ZNF274: variants seen among roughly 807,000 people sequenced by gnomAD.
ZNF274 encodes the protein zinc finger protein 274.
In ZNF274, 23 loss-of-function variants were observed where a neutral mutation model predicts 42.5. The observed-to-expected ratio is 0.54, with a 90% CI of 0.39 to 0.77. The LOEUF is 0.77. ZNF274 is among the 30% of genes least tolerant of loss of function. ZNF274 has a pLI of 0.00. For missense variants in ZNF274, 679 were observed against 806.5 expected (o/e 0.84, Z 1.91); for synonymous variants, 292 against 305.4 (o/e 0.96, Z 0.46).
At chr19:58,185,103 G>C (rs1311772087) in intron 2 of ZNF274, among the ~76,000 whole-genome samples, 1 of 147,844 alleles carries the variant, frequency 6.8e-6, no homozygotes, top group Non-Finnish European at 1.5e-5. Flanking sequence ...CTGGGCGACA[G>C]AGAGAGACTC....
intron 5 of ZNF274, chr19:58,209,706 T>G: frequency 2.9e-6 from 1 of 340,216 alleles, no homozygotes; most frequent in Non-Finnish European, 5.4e-6. Flanking sequence ...GGGACCAGAG[T>G]CTCAGCAGTG....
chr19:58,184,168 TG>T (rs2075667429), intron 2 of ZNF274, 170 bp downstream of exon 2: 1 of 711,480 alleles, frequency 1.4e-6, no homozygotes, highest in African/African-American at 1.8e-5. Flanking sequence ...AACCGCAGGT[TG>T]CTTGGTTTTC....
Position 58,198,458 on chromosome 19 carries a change from T to C in ZNF274, c.257-8262T>C, listed in dbSNP as rs114493203. On this transcript the variant is annotated intron_variant, in intron 4 of 7. Transcript: ENST00000617501. ...TGCTTTGGCTTCACATATACTAAAA[T>C]TGGAACAGTACAGAAGATGAGCATA... 2.5e-3 allele frequency among the ~76,000 whole-genome samples: 238 copies of C among 95,436 alleles called. 1 individual carries two copies. The highest frequency in any genetic ancestry group is 0.011 in the African/African-American group (236 of 21,864). The allele number at this position is 95,436 out of a possible 152,430, so 62.6% of individuals were successfully genotyped here.
chr19:58,212,319 G>C lies in ZNF274; in HGVS notation c.1138G>C (p.Asp380His). ...TLQGGVQEVQDTVLKQMESAQ... is the reference protein window; with the variant it reads ...TLQGGVQEVQHTVLKQMESAQ... The stretch of plus-strand genomic sequence containing the variant: ...GCAGGGTGGGGTCCAGGAAGTCCAA[G>C]ACACAGTGTTGAAGCAGATGGAGTC... The change falls in exon 8 of 8, where the codon GAC (aspartate) becomes CAC (histidine). Residue 380 changes from aspartate to histidine, a missense_variant. By Grantham distance (81) the Asp-to-His change is moderately conservative (BLOSUM62 -1). This residue lies in a region of ZNF274 where 456 missense variants were observed against 590.1 expected (regional missense o/e 0.77). Transcript: ENST00000617501. This position sits in a 1 kb window ranked among gnomAD's most constrained non-coding sequence, Gnocchi z 4.6. The C allele has an allele frequency of 1.2e-6, 2 of 1,613,988 alleles. No homozygotes were observed. Among genetic ancestry groups the C allele is most frequent in the Non-Finnish European group, 1.7e-6 (2 of 1,179,904 alleles).
At chr19:58,205,039 T>A (rs917637982) in intron 4 of ZNF274, among the ~76,000 whole-genome samples, 10 of 152,328 alleles carry the variant, frequency 6.6e-5, no homozygotes, top group South Asian at 2.1e-4. Context: ...TGCCAGAGGT[T>A]GTGGGTCAGT....
intron 4 of ZNF274, among the ~76,000 whole-genome samples, chr19:58,201,292 G>A (rs556377281): frequency 2.0e-5 from 3 of 149,374 alleles, no homozygotes; most frequent in East Asian, 2.0e-4. Context: ...GATTACAGGC[G>A]TGAGCCATTC....
Position 58,190,499 on chromosome 19 carries a change from C to T in ZNF274, c.256+3457C>T, listed in dbSNP as rs564866341. Among the ~76,000 whole-genome samples the T allele has an allele frequency of 1.6e-4, 25 of 152,264 alleles. No homozygotes were observed. In the East Asian group the frequency reaches 4.4e-3, roughly 27 times the overall value. On this transcript the variant is annotated intron_variant, in intron 4 of 7. Transcript: ENST00000617501. ...CTGCTTTGATTCAAATCAGTTTTAT[C>T]TGGATTAACAAATAGTCATGTTGTC...
Position 58,211,317 on chromosome 19 carries a change from C to G in ZNF274, c.853-243C>G. 1 of 400,182 alleles carries G rather than the reference C, an allele frequency of 2.5e-6. No individual in the cohort carries two copies. The allele number at this position is 400,182 out of a possible 1,614,324, so 24.8% of individuals were successfully genotyped here. A position where few individuals can be genotyped will look rare whatever the true frequency, so the allele number is the denominator to read the frequency against. On this transcript the variant is annotated intron_variant, in intron 6 of 7. Coordinates refer to ENST00000617501, the MANE Select transcript of ZNF274 (RefSeq NM_133502.3). The surrounding 1 kb of genome is among the most constrained non-coding windows in gnomAD (Gnocchi z 4.8). ...GCCGTGGTTAGGATGGAGTTGTTTG[C>G]TTGTTGCACTTGGAGCTCTTTATGA...
At chr19:58,199,780 T>C (rs2146221910) in intron 4 of ZNF274, among the ~76,000 whole-genome samples, 1 of 152,376 alleles carries the variant, frequency 6.6e-6, no homozygotes, top group South Asian at 2.1e-4. Flanking sequence ...CAAAATACAT[T>C]AATACCTTTA....
intron 3 of ZNF274, 57 bp downstream of exon 3, chr19:58,185,895 C>T: frequency 7.6e-7 from 1 of 1,316,204 alleles, no homozygotes; most frequent in Non-Finnish European, 9.8e-7. Flanking sequence ...AATGTAGCAC[C>T]TCTGAAGTAT....
At chr19:58,200,720 G>A (rs753262194) in intron 4 of ZNF274, among the ~76,000 whole-genome samples, 8 of 152,312 alleles carry the variant, frequency 5.3e-5, no homozygotes, top group East Asian at 3.9e-4. Flanking sequence ...CCCCTTTAGC[G>A]TCAAGGACAT....
At position 58,189,120 on chromosome 19, in the gene ZNF274, T is replaced by C. The variant is rs534578856; in HGVS notation, c.256+2078T>C. ...TTTTCTTTTGTGAGTTCATATATTT[T>C]CTCATTTTTTTCTTGTTTGTGGGAA... On this transcript the variant is annotated intron_variant, in intron 4 of 7. Coordinates refer to ENST00000617501, the MANE Select transcript of ZNF274 (RefSeq NM_133502.3). 5.3e-5 allele frequency among the ~76,000 whole-genome samples: 8 copies of C among 152,238 alleles called. No individual in the cohort carries two copies. In the South Asian group the frequency reaches 1.7e-3, roughly 32 times the overall value.
At chr19:58,191,752 T>G (rs1281780194) in intron 4 of ZNF274, among the ~76,000 whole-genome samples, 1 of 152,192 alleles carries the variant, frequency 6.6e-6, no homozygotes, top group Non-Finnish European at 1.5e-5. Context: ...GTCCAACTCA[T>G]CTCTGCTCTG....
chr19:58,210,579 T>C, intron 6 of ZNF274: 1 of 152,892 alleles, frequency 6.5e-6, no homozygotes, highest in Non-Finnish European at 1.5e-5. Context: ...TGGCTTATAC[T>C]GGCTCAAGCG....
intron 4 of ZNF274, 123 bp from the exon 5 acceptor site, chr19:58,206,597 A>G: frequency 1.8e-6 from 2 of 1,128,632 alleles, no homozygotes; most frequent in Non-Finnish European, 2.5e-6. Flanking sequence ...GGTAACAGCC[A>G]TGCTAGTGGG....
rs60934983 is a variant in ZNF274 at position 58,188,620 on chromosome 19, A to AATAT, written c.256+1601_256+1604dup. 4.5e-3 allele frequency among the ~76,000 whole-genome samples: 314 copies of AATAT among 70,246 alleles called. 1 individual carries two copies. Among genetic ancestry groups the AATAT allele is most frequent in the East Asian group, 7.4e-3 (24 of 3,246 alleles). The allele number at this position is 70,246 out of a possible 152,430, so 46.1% of individuals were successfully genotyped here. The stretch of plus-strand genomic sequence containing the variant: ...GACTCCATCTCAAAAAAAAAAAAAA[A>AATAT]ATATATATATATATATATATATATA... On this transcript the variant is annotated intron_variant, in intron 4 of 7. Coordinates refer to ENST00000617501, the MANE Select transcript of ZNF274 (RefSeq NM_133502.3).
intron 4 of ZNF274, among the ~76,000 whole-genome samples, chr19:58,195,209 AT>A (rs1450689072): frequency 7.3e-6 from 1 of 137,682 alleles, no homozygotes; most frequent in African/African-American, 2.9e-5. Context: ...AAAAAAAAAA[AT>A]ACACATATAT....
In ZNF274 at chr19:58,208,398, C is replaced by T. The variant is rs2076002839; in HGVS notation, c.739+1196C>T. ...TAATTGCCCCAAAGGTGTCCATGTCCTGACTCCTGGACCCTGTGAATAAGT... is the reference window on the plus strand; with the variant it reads ...TAATTGCCCCAAAGGTGTCCATGTCTTGACTCCTGGACCCTGTGAATAAGT... On this transcript the variant is annotated intron_variant, in intron 5 of 7. Coordinates refer to ENST00000617501, the MANE Select transcript of ZNF274 (RefSeq NM_133502.3). This position sits in a 1 kb window ranked among gnomAD's most constrained non-coding sequence, Gnocchi z 4.5. 1 of 152,224 alleles carries T rather than the reference C, an allele frequency of 6.6e-6. No individual in the cohort carries two copies. Among genetic ancestry groups the T allele is most frequent in the Non-Finnish European group, 1.5e-5 (1 of 68,058 alleles). 9.4% of individuals were successfully genotyped at this position (152,224 alleles called of 1,614,324 possible). A position where few individuals can be genotyped will look rare whatever the true frequency, so the allele number is the denominator to read the frequency against.
At chr19:58,188,599 C>G (rs2075728624) in intron 4 of ZNF274, among the ~76,000 whole-genome samples, 1 of 100,018 alleles carries the variant, frequency 1.0e-5, no homozygotes, top group African/African-American at 4.9e-5. Context: ...GAGTGAGACT[C>G]CATCTCAAAA....
Sources: gnomAD v4.1 joint callset for allele counts (sites outside exome capture counted in the v4.1 genomes callset) on GRCh38, gnomAD v4.1.1 for gene constraint, gnomAD v4.1.1 regional missense constraint, Gnocchi (gnomAD v3.1) non-coding constraint, MANE v1.5 for transcripts, NCBI Gene and HGNC (gene_info 2026-07-23, HGNC 2026-07-21) for gene names.